The following GRIK2 variants were observed in gnomAD, a reference collection of about 807,000 sequenced individuals.
GRIK2 encodes glutamate ionotropic receptor kainate type subunit 2.
A neutral mutation model predicts 100.3 loss-of-function variants in GRIK2; 32 were observed. The ratio of observed to expected loss-of-function variants is 0.32; its 90% CI spans 0.24 to 0.43. The LOEUF is 0.43. Ranked by LOEUF, GRIK2 falls within the 20% of genes least tolerant of loss-of-function variation. The pLI is 1.00. For synonymous variants in GRIK2, 417 were observed against 389.4 expected (o/e 1.07, Z -0.83); for missense variants, 843 against 1,114.9 (o/e 0.76, Z 3.47).
At chr6:102,010,713 C>G (rs1187639659) in intron 14 of GRIK2, among the ~76,000 whole-genome samples, 1 of 144,736 alleles carries the variant, frequency 6.9e-6, no homozygotes, top group Middle Eastern at 3.4e-3. Context: ...ATAACAATCA[C>G]TTTTTTTTTT....
intron 11 of GRIK2, among the ~76,000 whole-genome samples, chr6:101,874,477 C>G (rs1248497530): frequency 1.3e-5 from 2 of 152,136 alleles, no homozygotes; most frequent in South Asian, 2.1e-4. Context: ...GGTACCAGTA[C>G]CATGCTGTTT....
chr6:101,408,138 A>G (rs2128237268), intron 2 of GRIK2, among the ~76,000 whole-genome samples: 1 of 152,154 alleles, frequency 6.6e-6, no homozygotes, highest in East Asian at 1.9e-4. Flanking sequence ...TTGAAAATAG[A>G]GGATGGGCTT....
At chr6:101,667,109 G>T (rs1167541429) in intron 4 of GRIK2, among the ~76,000 whole-genome samples, 1 of 152,148 alleles carries the variant, frequency 6.6e-6, no homozygotes, top group Non-Finnish European at 1.5e-5. Context: ...GGGCTGCCAT[G>T]CCACTTATAT....
intron 2 of GRIK2, among the ~76,000 whole-genome samples, chr6:101,428,714 A>G (rs1480681911): frequency 6.6e-6 from 1 of 152,196 alleles, no homozygotes; most frequent in Non-Finnish European, 1.5e-5. Flanking sequence ...CTATAAAATC[A>G]TAGAGTTTAA....
chr6:101,674,468 A>G (rs1164807478), intron 4 of GRIK2, among the ~76,000 whole-genome samples: 2 of 152,212 alleles, frequency 1.3e-5, no homozygotes, highest in Admixed American at 1.3e-4. Context: ...CCCATGTTCA[A>G]AGAAATATAT....
intron 2 of GRIK2, among the ~76,000 whole-genome samples, chr6:101,428,465 G>A (rs1421687171): frequency 6.6e-6 from 1 of 152,010 alleles, no homozygotes; most frequent in African/African-American, 2.4e-5. Context: ...TAACATTTGT[G>A]ATATAATTTT....
chr6:101,824,381 C>A (rs752053204), intron 10 of GRIK2, among the ~76,000 whole-genome samples: 70 of 152,212 alleles, frequency 4.6e-4, no homozygotes, highest in Middle Eastern at 3.4e-3. Flanking sequence ...TGACAACATA[C>A]AGTGTTTGGT....
chr6:101,875,591 T>C (rs981767540), intron 11 of GRIK2, among the ~76,000 whole-genome samples: 2 of 151,898 alleles, frequency 1.3e-5, no homozygotes, highest in Non-Finnish European at 2.9e-5. Context: ...ATTTCATTTC[T>C]GTTTTCTAAA....
chr6:101,709,585 A>G (rs1367225295), intron 7 of GRIK2, among the ~76,000 whole-genome samples: 3 of 151,874 alleles, frequency 2.0e-5, no homozygotes, highest in Non-Finnish European at 4.4e-5. Context: ...CTTACCTGTT[A>G]TCCTTTACTT....
Position 101,799,667 on chromosome 6 carries a change from A to G in GRIK2, c.971A>G (p.Tyr324Cys). ...TTTCAGACTGATGCTGCTCTAATGT[A>G]TGATGCTGTGCATGTGGTGTCTGTG... is the stretch of plus-strand genomic sequence containing the variant. ...GFMTTDAALM[Y>C]DAVHVVSVAV... The change falls in exon 8 of 17, where the codon TAT (tyrosine) becomes TGT (cysteine). Residue 324 changes from tyrosine (Y) to cysteine (C), a missense_variant. This residue lies in a region of GRIK2 where 519 missense variants were observed against 643.8 expected (regional missense o/e 0.81). Coordinates refer to ENST00000369134, the MANE Select transcript of GRIK2 (RefSeq NM_021956.5). 6.2e-7 allele frequency: 1 copy of G among 1,613,090 alleles called. No individual in the cohort carries two copies. Among genetic ancestry groups the G allele is most frequent in the Non-Finnish European group, 8.5e-7 (1 of 1,179,174 alleles).
intron 2 of GRIK2, among the ~76,000 whole-genome samples, chr6:101,524,386 TTA>T (rs10535374): frequency 0.41 from 60,405 of 148,608 alleles, 15,142 homozygotes; most frequent in African/African-American, 0.72. Context: ...ATGCCCCATT[TTA>T]TATATATATA....
chr6:101,738,151 T>TAAATGTCAATTGTAATTGACATTTGTC (rs1775779381), intron 7 of GRIK2, among the ~76,000 whole-genome samples: 1 of 128,502 alleles, frequency 7.8e-6, no homozygotes, highest in African/African-American at 2.9e-5. Flanking sequence ...ATTGACACAT[T>TAAATGTCAATTGTAATTGACATTTGTC]AAATGTCAAT....
intron 12 of GRIK2, among the ~76,000 whole-genome samples, chr6:101,906,950 A>G (rs1204011158): frequency 6.6e-6 from 1 of 151,778 alleles, no homozygotes; most frequent in Non-Finnish European, 1.5e-5. Context: ...CTTTGTACAA[A>G]GGCAAGAAGC....
At chr6:101,767,834 T>C (rs560876984) in intron 7 of GRIK2, among the ~76,000 whole-genome samples, 14 of 151,888 alleles carry the variant, frequency 9.2e-5, no homozygotes, top group Non-Finnish European at 1.6e-4. Flanking sequence ...GTCATAAATA[T>C]AGGTCTAGAT....
At chr6:101,790,439 G>C (rs1779760892) in intron 7 of GRIK2, among the ~76,000 whole-genome samples, 1 of 151,576 alleles carries the variant, frequency 6.6e-6, no homozygotes, top group African/African-American at 2.4e-5. Context: ...TTTGTCAAAG[G>C]CTTTTTCTGC....
intron 4 of GRIK2, among the ~76,000 whole-genome samples, chr6:101,663,284 A>T (rs2128334876): frequency 6.6e-6 from 1 of 152,292 alleles, no homozygotes; most frequent in Admixed American, 6.5e-5. Context: ...TGGGGATTAA[A>T]GAACAGCAGG....
At chr6:101,535,657 T>C (rs1775656207) in intron 2 of GRIK2, among the ~76,000 whole-genome samples, 1 of 151,806 alleles carries the variant, frequency 6.6e-6, no homozygotes, top group African/African-American at 2.4e-5. Flanking sequence ...CATTGTACAA[T>C]TGTTGATTTC....
rs78439576 is a variant in GRIK2, at chr6:101,987,113, G to A, written c.2086-48228G>A. Among the ~76,000 whole-genome samples, 796 of 151,810 alleles carry A rather than the reference G, an allele frequency of 5.2e-3. 5 individuals carry two copies. Among genetic ancestry groups the A allele is most frequent in the African/African-American group, 0.018 (749 of 41,482 alleles). On this transcript the variant is annotated intron_variant, in intron 14 of 16. Coordinates refer to ENST00000369134, the MANE Select transcript of GRIK2 (RefSeq NM_021956.5). The stretch of plus-strand genomic sequence containing the variant: ...AGCTATGATCATATGATCAATCCAC[G>A]GCACTTCAGCCTGGGTGACAGAGAA...
chr6:101,691,990 T>G (rs1772131634), intron 7 of GRIK2, among the ~76,000 whole-genome samples: 1 of 134,886 alleles, frequency 7.4e-6, no homozygotes, highest in Non-Finnish European at 1.5e-5. Context: ...AAGTTGAGGC[T>G]GCAGTGAACA....
Sources: gnomAD v4.1 joint callset for allele counts (sites outside exome capture counted in the v4.1 genomes callset) on GRCh38, gnomAD v4.1.1 for gene constraint, gnomAD v4.1.1 regional missense constraint, MANE v1.5 for transcripts, NCBI Gene and HGNC (gene_info 2026-07-23, HGNC 2026-07-21) for gene names.